The following GSDME variants were observed in gnomAD, a reference collection of about 807,000 sequenced individuals.
GSDME encodes the protein gasdermin E, also known as gasdermin-E.
Under a neutral mutation model 47.5 loss-of-function variants are expected in GSDME, and 44 were observed. The observed-to-expected ratio is 0.93, with a 90% CI of 0.73 to 1.19. GSDME has a LOEUF of 1.19. Among genes scored for constraint, GSDME ranks in the 50% most tolerant of loss-of-function variants. The probability of loss-of-function intolerance (pLI) is 0.00; values close to 1 mark genes in which losing one functional copy is unlikely to be tolerated. For synonymous variants in GSDME, 258 were observed against 252.8 expected (o/e 1.02, Z -0.20); for missense variants, 663 against 604.2 (o/e 1.10, Z -1.02).
chr7:24,700,876 A>C (rs1788837258), intron 9 of GSDME, among the ~76,000 whole-genome samples: 1 of 152,196 alleles, frequency 6.6e-6, no homozygotes, highest in Admixed American at 6.5e-5. Context: ...GGTGGATGAG[A>C]GCTGTGCAGC....
intron 5 of GSDME, chr7:24,710,703 T>TA (rs1789318179): frequency 3.3e-6 from 1 of 306,830 alleles, no homozygotes; most frequent in African/African-American, 2.1e-5. Flanking sequence ...AAACTGATTC[T>TA]AAACAGACAA....
At chr7:24,746,348 C>T (rs935288364) in intron 2 of GSDME, among the ~76,000 whole-genome samples, 12 of 152,238 alleles carry the variant, frequency 7.9e-5, no homozygotes, top group East Asian at 5.8e-4. Flanking sequence ...TATTACTAAC[C>T]GGGAGAATTT....
chr7:24,718,546 CA>C (rs1304532028), intron 4 of GSDME, among the ~76,000 whole-genome samples: 2 of 152,232 alleles, frequency 1.3e-5, no homozygotes, highest in African/African-American at 4.8e-5. Context: ...GATTCTTTTG[CA>C]TTTGGCCTGA....
At chr7:24,730,468 T>C (rs1790107725) in intron 3 of GSDME, among the ~76,000 whole-genome samples, 1 of 152,216 alleles carries the variant, frequency 6.6e-6, no homozygotes, top group Non-Finnish European at 1.5e-5. Context: ...ACTTGAATGA[T>C]TCTTCTTAGG....
At chr7:24,709,116 T>C (rs1428007373) in intron 6 of GSDME, among the ~76,000 whole-genome samples, 1 of 152,156 alleles carries the variant, frequency 6.6e-6, no homozygotes, top group Non-Finnish European at 1.5e-5. Flanking sequence ...CCAACATATT[T>C]CAAAACTCTG....
Position 24,721,343 on chromosome 7 carries a change from G to A in GSDME, c.405-2125C>T, listed in dbSNP as rs768421038. Among the ~76,000 whole-genome samples, 2 of 152,186 alleles carry A rather than the reference G, an allele frequency of 1.3e-5. No homozygotes were observed. Among genetic ancestry groups the A allele is most frequent in the Non-Finnish European group, 2.9e-5 (2 of 68,038 alleles). On this transcript the variant is annotated intron_variant, in intron 3 of 9. Transcript: ENST00000645220. This position sits in a 1 kb window ranked among gnomAD's most constrained non-coding sequence, Gnocchi z 4.1. Reference sequence around the variant, plus strand: ...TTCAAATTATAAAAATGTCTCACACGTGATAAAAATACATTGATGACAACC... The same window carrying A: ...TTCAAATTATAAAAATGTCTCACACATGATAAAAATACATTGATGACAACC...
intron 9 of GSDME, among the ~76,000 whole-genome samples, chr7:24,699,633 C>T (rs1187996588): frequency 6.6e-6 from 1 of 152,198 alleles, no homozygotes; most frequent in Non-Finnish European, 1.5e-5. Flanking sequence ...AGCCACCACG[C>T]CTGGCCAACT....
chr7:24,749,479 G>T lies in GSDME; in HGVS notation c.211+85C>A, dbSNP rs914175455. 2.4e-5 allele frequency: 28 copies of T among 1,185,520 alleles called. 2 individuals are homozygous for T. In the South Asian group the frequency reaches 3.5e-4, roughly 15 times the overall value. 73.4% of individuals were successfully genotyped at this position (1,185,520 alleles called of 1,614,324 possible). A position where few individuals can be genotyped will look rare whatever the true frequency, so the allele number is the denominator to read the frequency against. On this transcript the variant is annotated intron_variant, in intron 2 of 9. Coordinates refer to ENST00000645220, the MANE Select transcript of GSDME (RefSeq NM_001127453.2). ...ATCACGCCACTGCACTCCAGCATGGGCGACAGAGACTCTGTGTCAAAAAAA... is the reference window on the plus strand; with the variant it reads ...ATCACGCCACTGCACTCCAGCATGGTCGACAGAGACTCTGTGTCAAAAAAA...
rs775826805 is a variant in GSDME, at chr7:24,742,827, T to G, written c.404+1735A>C. Among the ~76,000 whole-genome samples the G allele has an allele frequency of 6.6e-6, 1 of 152,198 alleles. No homozygotes were observed. On this transcript the variant is annotated intron_variant, in intron 3 of 9. Transcript: ENST00000645220. The surrounding 1 kb of genome is among the most constrained non-coding windows in gnomAD (Gnocchi z 4.4). ...TAAGACACCCAGTTAAATTTTCATT[T>G]CAGATAAATATCAAATACATTTCTA...
chr7:24,722,258 T>C (rs1309617261), intron 3 of GSDME, among the ~76,000 whole-genome samples: 2 of 152,246 alleles, frequency 1.3e-5, no homozygotes, highest in African/African-American at 4.8e-5. Flanking sequence ...CATATGTATT[T>C]GTGCATCCAC....
the GSDME span, among the ~76,000 whole-genome samples, chr7:24,794,129 C>G: frequency 6.6e-6 from 1 of 150,740 alleles, no homozygotes; most frequent in Non-Finnish European, 1.5e-5. Flanking sequence ...TTTTTCTTAA[C>G]TACTTGTATA....
chr7:24,703,754 G>T, intron 8 of GSDME: 1 of 152,594 alleles, frequency 6.6e-6, no homozygotes. Context: ...GCAGCCAGGG[G>T]GATGCTTCTT....
At position 24,716,767 on chromosome 7, in the gene GSDME, T is replaced by G; in HGVS notation, c.697+487A>C. The G allele has an allele frequency of 5.2e-6, 1 of 190,626 alleles. No homozygotes were observed. Among genetic ancestry groups the G allele is most frequent in the Non-Finnish European group, 1.1e-5 (1 of 90,252 alleles). The allele number at this position is 190,626 out of a possible 1,614,324, so 11.8% of individuals were successfully genotyped here. On this transcript the variant is annotated intron_variant, in intron 5 of 9. Coordinates refer to ENST00000645220, the MANE Select transcript of GSDME (RefSeq NM_001127453.2). This position sits in a 1 kb window ranked among gnomAD's most constrained non-coding sequence, Gnocchi z 4.5. ...GCTATTAATAGCAAAGGTGGAGGAA[T>G]TAATAAATGACCACTGTGCCAGGCG...
chr7:24,717,219 G>A, intron 5 of GSDME, 35 bp downstream of exon 5: 1 of 1,611,706 alleles, frequency 6.2e-7, no homozygotes, highest in Non-Finnish European at 8.5e-7. Context: ...TCCTCTGCTG[G>A]GGATCCCTCA....
At chr7:24,791,037 C>A in the GSDME span, among the ~76,000 whole-genome samples, 1 of 152,082 alleles carries the variant, frequency 6.6e-6, no homozygotes, top group African/African-American at 2.4e-5. This position sits in a 1 kb window ranked among gnomAD's most constrained non-coding sequence, Gnocchi z 4.8. Flanking sequence ...TGGATCAGGG[C>A]TTGTCGTCTT....
rs77747117 is a variant in GSDME, at chr7:24,709,782, T to C, written c.862+442A>G. Among the ~76,000 whole-genome samples, 1,024 of 152,266 alleles carry C rather than the reference T, an allele frequency of 6.7e-3. 8 individuals are homozygous for C. The highest frequency in any genetic ancestry group is 0.023 in the African/African-American group (952 of 41,530). On this transcript the variant is annotated intron_variant, in intron 6 of 9. Coordinates refer to ENST00000645220, the MANE Select transcript of GSDME (RefSeq NM_001127453.2). The stretch of plus-strand genomic sequence containing the variant: ...GTCCATGCCATGTGGATAAAGAGCC[T>C]CCAAGAGAGCATTTTGCAAGGCTGA...
chr7:24,710,601 G>A (rs201055511), intron 5 of GSDME: 1 of 427,194 alleles, frequency 2.3e-6, no homozygotes, highest in African/African-American at 2.2e-5. Flanking sequence ...GGAAATGGCT[G>A]TTCTTACATA....
chr7:24,730,922 C>A (rs1425021320), intron 3 of GSDME, among the ~76,000 whole-genome samples: 1 of 152,110 alleles, frequency 6.6e-6, no homozygotes, highest in Non-Finnish European at 1.5e-5. Context: ...CCCAGCACAC[C>A]CTTCTCTACA....
intron 3 of GSDME, among the ~76,000 whole-genome samples, chr7:24,727,639 C>T (rs1252682659): frequency 6.6e-6 from 1 of 152,242 alleles, no homozygotes; most frequent in Non-Finnish European, 1.5e-5. Flanking sequence ...CAGACATTGC[C>T]TGTAAACTCC....
Sources: allele counts gnomAD v4.1 joint callset (sites outside exome capture counted in the v4.1 genomes callset), GRCh38; gene constraint gnomAD v4.1.1; non-coding constraint Gnocchi (gnomAD v3.1); transcripts MANE v1.5; gene names NCBI Gene and HGNC (gene_info 2026-07-23, HGNC 2026-07-21).